PRKG1: variants seen among roughly 807,000 people sequenced by gnomAD.
The protein encoded by PRKG1 is cGMP-dependent protein kinase 1.
In PRKG1, 35 loss-of-function variants were observed where a neutral mutation model predicts 88.1. The ratio of observed to expected loss-of-function variants is 0.40; its 90% CI spans 0.30 to 0.53. The LOEUF (loss-of-function observed/expected upper bound fraction) is 0.53, where lower values mean the gene tolerates loss of function less well. PRKG1 is among the 20% of genes least tolerant of loss of function. The pLI, the probability that PRKG1 is intolerant of heterozygous loss-of-function variation, is 0.59. For synonymous variants in PRKG1, 303 were observed against 292.5 expected (o/e 1.04, Z -0.37); for missense variants, 540 against 839.8 (o/e 0.64, Z 4.41).
intron 1 of PRKG1, among the ~76,000 whole-genome samples, chr10:50,992,701 T>A (rs111499726): frequency 1.3e-5 from 2 of 152,048 alleles, no homozygotes; most frequent in African/African-American, 4.8e-5. Flanking sequence ...TAGGAAGCTT[T>A]TGCACTCCAC....
At chr10:52,249,724 G>C (rs1450367299) in intron 9 of PRKG1, among the ~76,000 whole-genome samples, 1 of 152,148 alleles carries the variant, frequency 6.6e-6, no homozygotes, top group East Asian at 1.9e-4. Flanking sequence ...TTGGGAGGCT[G>C]AGGCACGAGA....
chr10:51,974,834 T>C (rs1314103208), intron 5 of PRKG1, among the ~76,000 whole-genome samples: 1 of 152,106 alleles, frequency 6.6e-6, no homozygotes, highest in African/African-American at 2.4e-5. Flanking sequence ...TAAAAGATAA[T>C]AAGGCCCTTG....
chr10:51,694,414 A>C (rs1221539810), intron 3 of PRKG1, among the ~76,000 whole-genome samples: 1 of 152,256 alleles, frequency 6.6e-6, no homozygotes, highest in Non-Finnish European at 1.5e-5. Context: ...GTAGTTGAAA[A>C]GCCAAACATA....
chr10:51,489,707 AAATT>A (rs746569195), intron 3 of PRKG1, among the ~76,000 whole-genome samples: 1 of 152,180 alleles, frequency 6.6e-6, no homozygotes, highest in Non-Finnish European at 1.5e-5. Flanking sequence ...TGTGGAGAAT[AAATT>A]AGTGCACATG....
At chr10:51,581,950 C>T (rs989460407) in intron 3 of PRKG1, among the ~76,000 whole-genome samples, 4 of 151,696 alleles carry the variant, frequency 2.6e-5, no homozygotes, top group Non-Finnish European at 5.9e-5. Context: ...AAAAAATGGG[C>T]TGGTCCTGCC....
intron 12 of PRKG1, among the ~76,000 whole-genome samples, chr10:52,277,293 C>T (rs1327203485): frequency 1.3e-5 from 2 of 152,076 alleles, no homozygotes; most frequent in African/African-American, 4.8e-5. Flanking sequence ...TGGCAGTTAG[C>T]CTTGGCAGTC....
intron 4 of PRKG1, among the ~76,000 whole-genome samples, chr10:51,847,147 T>C (rs1840419068): frequency 6.6e-6 from 1 of 152,144 alleles, no homozygotes. Flanking sequence ...TGAAGGCAGG[T>C]GCTGATGATC....
chr10:52,089,749 A>G (rs1412823043), intron 7 of PRKG1, among the ~76,000 whole-genome samples: 1 of 147,142 alleles, frequency 6.8e-6, no homozygotes. Flanking sequence ...AAGCAGTGAC[A>G]CCCTCATAGC....
intron 2 of PRKG1, among the ~76,000 whole-genome samples, chr10:51,156,234 A>G (rs187354895): frequency 1.9e-4 from 28 of 151,252 alleles, no homozygotes; most frequent in Admixed American, 8.0e-4. Flanking sequence ...TATAAAGTCA[A>G]TACATCTTAT....
chr10:51,990,721 C>T (rs192397724), intron 5 of PRKG1, among the ~76,000 whole-genome samples: 115 of 152,178 alleles, frequency 7.6e-4, no homozygotes, highest in Non-Finnish European at 1.9e-4. Flanking sequence ...CCTCCTCCCA[C>T]CCTCTACCCT....
chr10:51,062,047 G>C (rs919362275), intron 1 of PRKG1, among the ~76,000 whole-genome samples: 6 of 152,162 alleles, frequency 3.9e-5, no homozygotes, highest in Admixed American at 3.3e-4. Flanking sequence ...AAAAATTGTA[G>C]AGAGAGTATG....
In PRKG1 at chr10:52,272,436, T is replaced by C; in HGVS notation, c.1358T>C (p.Met453Thr). The change falls in exon 12 of 18, where the codon ATG (methionine) becomes ACG (threonine). Residue 453 changes from methionine (M) to threonine (T), a missense_variant. By Grantham distance (81) the Met-to-Thr change is moderately conservative. This residue lies in a region of PRKG1 where 400 missense variants were observed against 562.7 expected (regional missense o/e 0.71). Transcript: ENST00000373980. The part of the protein sequence containing the change: ...FKDSKYLYML[M>T]EACLGGELWT... ...GACAGCAAATATTTGTATATGTTGA[T>C]GGAAGCTTGTCTAGGTGGAGAGCTC... 1 of 1,611,498 alleles carries C rather than the reference T, an allele frequency of 6.2e-7. No homozygotes were observed. The highest frequency in any genetic ancestry group is 8.5e-7 in the Non-Finnish European group (1 of 1,178,240).
chr10:52,166,800 T>TATATATATATATAC (rs1564498406), intron 9 of PRKG1, among the ~76,000 whole-genome samples: 88 of 1,358 alleles, frequency 0.065, 2 homozygotes, highest in African/African-American at 0.069. Context: ...TATATATACA[T>TATATATATATATAC]ATATATATGT....
intron 2 of PRKG1, among the ~76,000 whole-genome samples, chr10:51,262,475 T>C (rs564260942): frequency 3.9e-5 from 6 of 152,272 alleles, no homozygotes; most frequent in African/African-American, 1.4e-4. Context: ...GCCTGGTTCT[T>C]TGCTCCTGAA....
chr10:51,841,723 C>T, intron 4 of PRKG1, among the ~76,000 whole-genome samples: 1 of 152,052 alleles, frequency 6.6e-6, no homozygotes, highest in Non-Finnish European at 1.5e-5. Flanking sequence ...CGCTCTGTCA[C>T]CCAGACTGGA....
chr10:51,512,175 A>T lies in PRKG1; in HGVS notation c.592+44339A>T, dbSNP rs1355569931. Reference sequence around the variant, plus strand: ...GAGAGTACTTCTCTCATTCTAATTAATTTTTTTTTTTTTTTTAGTTTTTTT... The same window carrying T: ...GAGAGTACTTCTCTCATTCTAATTATTTTTTTTTTTTTTTTTAGTTTTTTT... On this transcript the variant is annotated intron_variant, in intron 3 of 17. Coordinates refer to ENST00000373980, the MANE Select transcript of PRKG1 (RefSeq NM_006258.4). Among the ~76,000 whole-genome samples, 885 of 132,796 alleles carry T rather than the reference A, an allele frequency of 6.7e-3. 12 individuals carry two copies. Among genetic ancestry groups the T allele is most frequent in the African/African-American group, 0.024 (849 of 35,278 alleles). The allele number at this position is 132,796 out of a possible 152,430, so 87.1% of individuals were successfully genotyped here. A position where few individuals can be genotyped will look rare whatever the true frequency, so the allele number is the denominator to read the frequency against.
At chr10:51,404,279 C>T (rs575966028) in intron 2 of PRKG1, among the ~76,000 whole-genome samples, 1 of 152,202 alleles carries the variant, frequency 6.6e-6, no homozygotes, top group Non-Finnish European at 1.5e-5. Flanking sequence ...AGTATTTCAA[C>T]AAATGCGAAT....
chr10:51,605,243 G>T (rs948217350), intron 3 of PRKG1, among the ~76,000 whole-genome samples: 47 of 152,178 alleles, frequency 3.1e-4, no homozygotes, highest in African/African-American at 1.1e-3. Context: ...GGCACAGGAT[G>T]GGGGGGCATG....
intron 1 of PRKG1, among the ~76,000 whole-genome samples, chr10:51,148,028 G>A (rs1287207809): frequency 6.6e-6 from 1 of 152,152 alleles, no homozygotes; most frequent in Non-Finnish European, 1.5e-5. Context: ...CATGGTTTGG[G>A]CAGAATCTTA....
Sources: allele counts gnomAD v4.1 joint callset (sites outside exome capture counted in the v4.1 genomes callset), GRCh38; gene constraint gnomAD v4.1.1; regional missense constraint gnomAD v4.1.1; transcripts MANE v1.5; gene names NCBI Gene and HGNC (gene_info 2026-07-23, HGNC 2026-07-21).